FBXL18: variants seen among roughly 807,000 people sequenced by gnomAD.
FBXL18 encodes the protein F-box and leucine rich repeat protein 18.
Under a neutral mutation model 46.0 loss-of-function variants are expected in FBXL18, and 36 were observed. The observed-to-expected ratio is 0.78, with a 90% confidence interval of 0.60 to 1.03. The LOEUF (loss-of-function observed/expected upper bound fraction) is 1.03, where lower values mean the gene tolerates loss of function less well. Ranked by LOEUF, FBXL18 falls within the 50% of genes least tolerant of loss-of-function variation. The pLI is 0.00. For synonymous variants in FBXL18, 557 were observed against 465.3 expected, an observed-to-expected ratio of 1.20 and a Z score of -2.54; for missense variants, 977 against 1,004.1, an observed-to-expected ratio of 0.97 and a Z score of 0.36.
downstream of FBXL18, among the ~76,000 whole-genome samples, chr7:5,473,301 C>A (rs769941970): frequency 6.6e-6 from 1 of 152,096 alleles, no homozygotes; most frequent in Non-Finnish European, 1.5e-5. Context: ...CTGGCCGCTC[C>A]GTTCTGCAGC....
At chr7:5,489,638 G>A (rs1276696527) in intron 4 of FBXL18, 1 of 219,494 alleles carries the variant, frequency 4.6e-6, no homozygotes, top group African/African-American at 2.3e-5. Context: ...AATTAGCCAG[G>A]TGTGGTGGCG....
chr7:5,459,232 T>C (rs1327425066), intron 4 of FBXL18, among the ~76,000 whole-genome samples: 2 of 152,214 alleles, frequency 1.3e-5, no homozygotes, highest in Non-Finnish European at 2.9e-5. Flanking sequence ...GGTAGGATTT[T>C]ACCAGACACA....
chr7:5,466,549 C>T (rs974863873), intron 4 of FBXL18, among the ~76,000 whole-genome samples: 1 of 152,232 alleles, frequency 6.6e-6, no homozygotes, highest in African/African-American at 2.4e-5. Flanking sequence ...CCTGCCTCCA[C>T]GGCCCTGGTG....
rs983902739 is a variant in FBXL18 at position 5,495,222 on chromosome 7, A to G, written c.1782-3773T>C. ...CTCCTGGTGACTCTGTGGGCATGAA[A>G]GGTGCTGAGCTCACAGTGCGGGGGC... is the stretch of plus-strand genomic sequence containing the variant. On this transcript the variant is annotated intron_variant, in intron 3 of 4. Transcript: ENST00000382368. 5.3e-5 allele frequency among the ~76,000 whole-genome samples: 8 copies of G among 152,164 alleles called. 1 individual carries two copies. The highest frequency in any genetic ancestry group is 1.4e-4 in the African/African-American group (6 of 41,450).
chr7:5,503,723 C>G (rs919332000), intron 2 of FBXL18, among the ~76,000 whole-genome samples: 5 of 152,014 alleles, frequency 3.3e-5, no homozygotes, highest in Admixed American at 6.6e-5. Context: ...AATCCCAGCA[C>G]TTTGGGAGGC....
downstream of FBXL18, among the ~76,000 whole-genome samples, chr7:5,475,081 G>A (rs1389323629): frequency 1.3e-5 from 2 of 150,512 alleles, no homozygotes; most frequent in East Asian, 2.0e-4. This position sits in a 1 kb window ranked among gnomAD's most constrained non-coding sequence, Gnocchi z 4.2. Flanking sequence ...CACTTTGGGA[G>A]GCCGAGGCGG....
In FBXL18 at chr7:5,501,417, G is replaced by C. The variant is rs375616027; in HGVS notation, c.852C>G (p.Asp284Glu). The C allele has an allele frequency of 2.2e-5, 36 of 1,613,588 alleles. No individual in the cohort carries two copies. The highest frequency in any genetic ancestry group is 1.9e-5 in the Non-Finnish European group (22 of 1,180,026). Residue 284 changes from aspartate to glutamate, a missense_variant, in exon 3 of 5, where the codon GAC (aspartate) becomes GAG (glutamate). By Grantham distance (45) the Asp-to-Glu change is conservative. Transcript: ENST00000382368. ...CCAGCACGACATTGCGCGCCATGGA[G>C]TCCAGGAGGTTCTTGGTGGCGCCGC... ...AESGATKNLL[D>E]SMARNVVLDA...
At chr7:5,467,732 G>A (rs866985632) in intron 4 of FBXL18, among the ~76,000 whole-genome samples, 1 of 152,004 alleles carries the variant, frequency 6.6e-6, no homozygotes, top group South Asian at 2.1e-4. Context: ...TTAATCCTCC[G>A]CTCCAGCCGT....
At chr7:5,468,410 C>G (rs1289778054) in intron 4 of FBXL18, among the ~76,000 whole-genome samples, 10 of 152,154 alleles carry the variant, frequency 6.6e-5, no homozygotes, top group Admixed American at 6.6e-4. Flanking sequence ...AGCCACCACG[C>G]CCAGCCACCT....
chr7:5,504,320 C>G (rs1447521520), intron 2 of FBXL18, among the ~76,000 whole-genome samples: 1 of 151,206 alleles, frequency 6.6e-6, no homozygotes, highest in African/African-American at 2.4e-5. Context: ...ATCCCAGCTA[C>G]TTAGGAGGCT....
At chr7:5,474,901 G>T (rs1197633360), downstream of FBXL18, among the ~76,000 whole-genome samples, 1 of 148,608 alleles carries the variant, frequency 6.7e-6, no homozygotes, top group East Asian at 2.1e-4. Flanking sequence ...GTAGAGACGG[G>T]GTTTCACCGT....
At chr7:5,488,036 G>A (rs527904764) in intron 4 of FBXL18, among the ~76,000 whole-genome samples, 26 of 152,370 alleles carry the variant, frequency 1.7e-4, no homozygotes, top group Admixed American at 7.8e-4. Context: ...CGAGCTCAGC[G>A]CCGGGCTCAG....
downstream of FBXL18, among the ~76,000 whole-genome samples, chr7:5,471,316 G>C (rs144410576): frequency 3.7e-3 from 556 of 152,190 alleles, no homozygotes; most frequent in South Asian, 6.8e-3. Context: ...TCGCTCTGTC[G>C]CCCAGGCTGG....
rs561855338 is a variant in FBXL18 at position 5,456,246 on chromosome 7, G to T, written c.2001-8403C>A. On this transcript the variant is annotated intron_variant and NMD_transcript_variant, in intron 4 of 6. Coordinates refer to the FBXL18 transcript ENST00000415009. ...AGGCCCATGGCATCTGCTCTCTCGG[G>T]ACAGTGCTCCCCCTGCACCAGTCAG... Among the ~76,000 whole-genome samples, 703 of 152,304 alleles carry T rather than the reference G, an allele frequency of 4.6e-3. 9 individuals are homozygous for T. Among genetic ancestry groups the T allele is most frequent in the African/African-American group, 0.016 (665 of 41,578 alleles).
At chr7:5,508,615 A>C (rs1005275784) in intron 1 of FBXL18, among the ~76,000 whole-genome samples, 1 of 151,850 alleles carries the variant, frequency 6.6e-6, no homozygotes, top group Non-Finnish European at 1.5e-5. Context: ...TCTCAAAAAA[A>C]AAAAAAGATA....
At chr7:5,507,690 G>A (rs1000374751) in intron 1 of FBXL18, among the ~76,000 whole-genome samples, 8 of 145,722 alleles carry the variant, frequency 5.5e-5, no homozygotes, top group Middle Eastern at 4.2e-3. Context: ...AAAAATTACC[G>A]GGGCATGGTG....
At position 5,455,733 on chromosome 7, in the gene FBXL18, C is replaced by T. The variant is rs527559490; in HGVS notation, c.2001-7890G>A. Among the ~76,000 whole-genome samples, 19 of 150,880 alleles carry T rather than the reference C, an allele frequency of 1.3e-4. No homozygotes were observed. The highest frequency in any genetic ancestry group is 4.2e-4 in the African/African-American group (17 of 40,880). On this transcript the variant is annotated intron_variant and NMD_transcript_variant, in intron 4 of 6. Coordinates refer to the FBXL18 transcript ENST00000415009. This position sits in a 1 kb window ranked among gnomAD's most constrained non-coding sequence, Gnocchi z 4.6. ...ACTTTTTGGATGTCCCTAGATGGTGCCTCCCCCCCACCCCCACTACACACA... is the reference window on the plus strand; with the variant it reads ...ACTTTTTGGATGTCCCTAGATGGTGTCTCCCCCCCACCCCCACTACACACA...
At chr7:5,488,518 C>T (rs767489398) in intron 4 of FBXL18, among the ~76,000 whole-genome samples, 2 of 152,190 alleles carry the variant, frequency 1.3e-5, no homozygotes, top group Admixed American at 6.5e-5. Flanking sequence ...CACAGGAAGT[C>T]GCCCCAGCCC....
chr7:5,483,997 A>C (rs572122231), intron 4 of FBXL18, among the ~76,000 whole-genome samples: 1 of 152,278 alleles, frequency 6.6e-6, no homozygotes, highest in African/African-American at 2.4e-5. Flanking sequence ...AGGTTTCGGC[A>C]ATAAAGACGC....
Sources: allele counts gnomAD v4.1 joint callset (sites outside exome capture counted in the v4.1 genomes callset), GRCh38; gene constraint gnomAD v4.1.1; non-coding constraint Gnocchi (gnomAD v3.1); transcripts MANE v1.5; gene names NCBI Gene and HGNC (gene_info 2026-07-23, HGNC 2026-07-21).